Variants in GPR137B observed in about 807,000 individuals in gnomAD.
The protein encoded by GPR137B is integral membrane protein GPR137B.
Under a neutral mutation model 42.5 loss-of-function variants are expected in GPR137B, and 42 were observed. The observed-to-expected ratio is 0.99, with a 90% confidence interval of 0.77 to 1.28. GPR137B has a LOEUF of 1.28. Ranked by LOEUF, GPR137B falls within the 50% of genes most tolerant of loss-of-function variation. The pLI is 0.00. For synonymous variants in GPR137B, 218 were observed against 209.7 expected (o/e 1.04, Z -0.34); for missense variants, 487 against 493.9 (o/e 0.99, Z 0.13).
At chr1:236,185,477 G>C (rs1268378112) in intron 5 of GPR137B, among the ~76,000 whole-genome samples, 2 of 152,162 alleles carry the variant, frequency 1.3e-5, no homozygotes, top group South Asian at 2.1e-4. Context: ...AGAATCTCTG[G>C]GGTAGGTTCC....
chr1:236,208,837 A>G lies in GPR137B; in HGVS notation c.*679A>G, dbSNP rs1337637894. On this transcript the variant is annotated 3_prime_UTR_variant, in exon 7 of 7. Coordinates refer to ENST00000366592, the MANE Select transcript of GPR137B (RefSeq NM_003272.4). Reference sequence around the variant, plus strand: ...TTCAGTAGGGCGCTAATGTATACACATTAATGATAAGTTGATAACATTAAA... The same window carrying G: ...TTCAGTAGGGCGCTAATGTATACACGTTAATGATAAGTTGATAACATTAAA... 1 of 982,924 alleles carries G rather than the reference A, an allele frequency of 1.0e-6. No individual in the cohort carries two copies. The highest frequency in any genetic ancestry group is 1.2e-6 in the Non-Finnish European group (1 of 827,790). 60.9% of individuals were successfully genotyped at this position (982,924 alleles called of 1,614,324 possible).
intron 1 of GPR137B, among the ~76,000 whole-genome samples, chr1:236,144,995 C>G (rs1661643007): frequency 6.6e-6 from 1 of 152,248 alleles, no homozygotes; most frequent in African/African-American, 2.4e-5. Flanking sequence ...GCAGACAGAG[C>G]CACTCCGGCC....
At chr1:236,163,674 T>G (rs1264964585) in intron 1 of GPR137B, among the ~76,000 whole-genome samples, 1 of 152,146 alleles carries the variant, frequency 6.6e-6, no homozygotes, top group Non-Finnish European at 1.5e-5. Flanking sequence ...TCTTCCTCAT[T>G]TTTTTCTCTT....
intron 1 of GPR137B, among the ~76,000 whole-genome samples, chr1:236,146,743 T>C (rs1318710915): frequency 6.6e-6 from 1 of 152,244 alleles, no homozygotes; most frequent in African/African-American, 2.4e-5. Flanking sequence ...TCACTGCTTT[T>C]AAATTCTGCC....
intron 1 of GPR137B, among the ~76,000 whole-genome samples, chr1:236,164,526 C>A (rs1490508817): frequency 2.0e-5 from 3 of 152,218 alleles, no homozygotes; most frequent in African/African-American, 7.2e-5. Context: ...GAGAGCCCAG[C>A]CGGCCAGAGA....
intron 4 of GPR137B, among the ~76,000 whole-genome samples, chr1:236,180,897 G>A (rs150972485): frequency 0.011 from 1,613 of 152,194 alleles, 34 homozygotes; most frequent in African/African-American, 0.035. Context: ...GATTACAGGC[G>A]TAAGCCACTG....
At chr1:236,153,103 TAAAA>T (rs1054136922) in intron 1 of GPR137B, among the ~76,000 whole-genome samples, 12 of 147,488 alleles carry the variant, frequency 8.1e-5, no homozygotes, top group African/African-American at 2.7e-4. Context: ...AAAAACCAAA[TAAAA>T]AAAAGACGTA....
At chr1:236,170,937 C>T (rs1261893428) in intron 2 of GPR137B, among the ~76,000 whole-genome samples, 1 of 148,890 alleles carries the variant, frequency 6.7e-6, no homozygotes, top group Admixed American at 6.7e-5. Context: ...GATCATGCCA[C>T]TGCACTCCAG....
At position 236,171,434 on chromosome 1, in the gene GPR137B, T is replaced by C. The variant is rs185668541; in HGVS notation, c.464+2679T>C. Among the ~76,000 whole-genome samples the C allele has an allele frequency of 1.3e-5, 2 of 152,340 alleles. No individual in the cohort carries two copies. Among genetic ancestry groups the C allele is most frequent in the East Asian group, 3.9e-4 (2 of 5,192 alleles). ...AGATGGGCATAGGAGGAGAACATTC[T>C]GTCTGATCGGACCGTGGAACTGATT... On this transcript the variant is annotated intron_variant, in intron 2 of 6. Transcript: ENST00000366592. This position sits in a 1 kb window ranked among gnomAD's most constrained non-coding sequence, Gnocchi z 4.4.
intron 1 of GPR137B, among the ~76,000 whole-genome samples, chr1:236,163,313 A>G (rs776665387): frequency 6.6e-6 from 1 of 152,228 alleles, no homozygotes; most frequent in Non-Finnish European, 1.5e-5. Flanking sequence ...TCGATTTTAC[A>G]GGCTCATAGG....
chr1:236,161,547 C>T (rs1162290602), intron 1 of GPR137B, among the ~76,000 whole-genome samples: 2 of 152,210 alleles, frequency 1.3e-5, no homozygotes, highest in African/African-American at 2.4e-5. Flanking sequence ...ACACGCTTTT[C>T]ACACCTCCTG....
At chr1:236,145,550 T>C (rs1661660368) in intron 1 of GPR137B, among the ~76,000 whole-genome samples, 1 of 152,146 alleles carries the variant, frequency 6.6e-6, no homozygotes, top group Non-Finnish European at 1.5e-5. Context: ...GTAGAGACAG[T>C]GTTTCACCAT....
At chr1:236,190,251 A>G (rs1477544531) in intron 5 of GPR137B, among the ~76,000 whole-genome samples, 3 of 142,964 alleles carry the variant, frequency 2.1e-5, no homozygotes, top group African/African-American at 5.4e-5. Context: ...GGTCTCCTGA[A>G]TACAGCATAG....
intron 5 of GPR137B, among the ~76,000 whole-genome samples, chr1:236,196,276 A>ACTAC (rs1412046661): frequency 1.3e-5 from 2 of 151,918 alleles, no homozygotes; most frequent in African/African-American, 4.8e-5. Context: ...AGTAGCTGGG[A>ACTAC]CTACAGGCAT....
At position 236,142,877 on chromosome 1, in the gene GPR137B, C is replaced by A. The variant is rs187280347; in HGVS notation, c.255C>A (p.Cys85Ter). ...ACCAGAGCGTCTTCCTCTTTCTCTG[C>A]CTCTTCTGGGCCTCCCTGCGGACCG... ...LSYQSVFLFL[C>*]LFWASLRTVL... Residue 85 changes from cysteine (C) to a stop codon, truncating the protein, a stop_gained, in exon 1 of 7, where the codon TGC becomes TGA. Transcript: ENST00000366592. LOFTEE classifies it high-confidence loss of function. 6.2e-7 allele frequency: 1 copy of A among 1,614,206 alleles called. No homozygotes were observed. Among genetic ancestry groups the A allele is most frequent in the East Asian group, 2.2e-5 (1 of 44,882 alleles).
In GPR137B at chr1:236,208,660, GA is replaced by G; in HGVS notation, c.*503del. On this transcript the variant is annotated 3_prime_UTR_variant, in exon 7 of 7. Transcript: ENST00000366592. ...ATTGGTAGACTCCTAAAATACAGTT[GA>G]CAACTTAGCCAATTGCAACTCCAGT... 1.0e-6 allele frequency: 1 copy of G among 985,722 alleles called. No homozygotes were observed. Among genetic ancestry groups the G allele is most frequent in the East Asian group, 1.1e-4 (1 of 8,818 alleles). 61.1% of individuals were successfully genotyped at this position (985,722 alleles called of 1,614,324 possible).
In GPR137B at chr1:236,151,417, C is replaced by CCTTTTTTT. The variant is rs1405128961; in HGVS notation, c.414+8381_414+8382insCTTTTTTT. The stretch of plus-strand genomic sequence containing the variant: ...CCACATATGGTCTCTGTTGCATATT[C>CCTTTTTTT]ATTTTTTTTTTTTTTTTTTTTTTTT... On this transcript the variant is annotated intron_variant, in intron 1 of 6. Coordinates refer to ENST00000366592, the MANE Select transcript of GPR137B (RefSeq NM_003272.4). Among the ~76,000 whole-genome samples the CCTTTTTTT allele has an allele frequency of 1.6e-5, 2 of 126,570 alleles. 1 individual carries two copies. 83.0% of individuals were successfully genotyped at this position (126,570 alleles called of 152,430 possible). A position where few individuals can be genotyped will look rare whatever the true frequency, so the allele number is the denominator to read the frequency against.
At position 236,143,013 on chromosome 1, in the gene GPR137B, C is replaced by T; in HGVS notation, c.391C>T (p.Leu131=). 1 of 1,613,288 alleles carries T rather than the reference C, an allele frequency of 6.2e-7. No homozygotes were observed. ...PVCLQFFTLT[L]MNLYFTQVIF... Reference sequence around the variant, plus strand: ...GTGCCTGCAGTTTTTCACCCTCACGCTGATGAACTTGTACTTCACGCAGGT... The same window carrying T: ...GTGCCTGCAGTTTTTCACCCTCACGTTGATGAACTTGTACTTCACGCAGGT... The change falls in exon 1 of 7, where the codon CTG becomes TTG. Residue 131 remains leucine (L), a synonymous_variant. Coordinates refer to ENST00000366592, the MANE Select transcript of GPR137B (RefSeq NM_003272.4).
At position 236,150,776 on chromosome 1, in the gene GPR137B, A is replaced by G. The variant is rs1186285488; in HGVS notation, c.414+7740A>G. Among the ~76,000 whole-genome samples, 1 of 152,138 alleles carries G rather than the reference A, an allele frequency of 6.6e-6. No homozygotes were observed. Among genetic ancestry groups the G allele is most frequent in the Non-Finnish European group, 1.5e-5 (1 of 68,022 alleles). ...CCGTAGTCAGACAGGCAGAACTGGT[A>G]GTGACCAGCAGGGAGGCAGGGCCGG... On this transcript the variant is annotated intron_variant, in intron 1 of 6. Coordinates refer to ENST00000366592, the MANE Select transcript of GPR137B (RefSeq NM_003272.4). The surrounding 1 kb of genome is among the most constrained non-coding windows in gnomAD (Gnocchi z 6.2).
Sources: allele counts gnomAD v4.1 joint callset (sites outside exome capture counted in the v4.1 genomes callset), GRCh38; gene constraint gnomAD v4.1.1; non-coding constraint Gnocchi (gnomAD v3.1); transcripts MANE v1.5; gene names NCBI Gene and HGNC (gene_info 2026-07-23, HGNC 2026-07-21).